BCL11A: variants seen among roughly 807,000 people sequenced by gnomAD.
BCL11A encodes BCL11 transcription factor A.
Under a neutral mutation model 55.9 loss-of-function variants are expected in BCL11A, and 2 were observed. The ratio of observed to expected loss-of-function variants is 0.04; its 90% CI spans 0.01 to 0.11. The LOEUF (loss-of-function observed/expected upper bound fraction) is 0.11, where lower values mean the gene tolerates loss of function less well. Among genes scored for constraint, BCL11A ranks in the 10% least tolerant of loss-of-function variants. The pLI is 1.00. For synonymous variants in BCL11A, 465 were observed against 473.4 expected (o/e 0.98, Z 0.23); for missense variants, 817 against 1,137.1 (o/e 0.72, Z 4.05).
chr2:60,540,992 G>GTGTGTGT (rs1371737091), intron 2 of BCL11A, among the ~76,000 whole-genome samples: 19 of 135,842 alleles, frequency 1.4e-4, no homozygotes, highest in South Asian at 2.3e-4. Flanking sequence ...GTGTGTGTGT[G>GTGTGTGT]GTTATTTTGT....
chr2:60,534,918 A>AC (rs1456660165), intron 2 of BCL11A: 21 of 152,362 alleles, frequency 1.4e-4, no homozygotes, highest in African/African-American at 4.3e-4. Flanking sequence ...AGAAGAAAAA[A>AC]CACTGCTTTA....
chr2:60,519,926 C>G (rs2104548102), intron 2 of BCL11A, among the ~76,000 whole-genome samples: 1 of 152,324 alleles, frequency 6.6e-6, no homozygotes, highest in Non-Finnish European at 1.5e-5. Flanking sequence ...TCTCTCTAGA[C>G]TTGGAGTGTT....
At chr2:60,530,169 G>A (rs1573066402) in intron 2 of BCL11A, among the ~76,000 whole-genome samples, 2 of 152,014 alleles carry the variant, frequency 1.3e-5, no homozygotes, top group African/African-American at 4.8e-5. Flanking sequence ...GTTTGCCATC[G>A]GTCCTGGGTC....
At chr2:60,515,881 G>C (rs1164813199) in intron 2 of BCL11A, among the ~76,000 whole-genome samples, 1 of 152,342 alleles carries the variant, frequency 6.6e-6, no homozygotes, top group Admixed American at 6.5e-5. Context: ...GTCACCACCA[G>C]GCTGCGCTGA....
At chr2:60,542,729 T>C (rs1039208599) in intron 2 of BCL11A, 11 of 152,150 alleles carry the variant, frequency 7.2e-5, no homozygotes, top group Admixed American at 2.0e-4. Flanking sequence ...AAGAATCCTC[T>C]AAAAAATACT....
chr2:60,459,874 C>G lies in BCL11A; in HGVS notation c.*530G>C, dbSNP rs1271334320. 9.5e-7 allele frequency: 1 copy of G among 1,048,346 alleles called. No homozygotes were observed. Among genetic ancestry groups the G allele is most frequent in the African/African-American group, 1.7e-5 (1 of 60,118 alleles). 64.9% of individuals were successfully genotyped at this position (1,048,346 alleles called of 1,614,324 possible). ...TAATCCAAAGACTGTTTTTCCTCCT[C>G]ACGTTATAAAATAAAACTGTACATG... On this transcript the variant is annotated 3_prime_UTR_variant, in exon 4 of 4. Transcript: ENST00000642384.
Position 60,500,858 on chromosome 2 carries a change from C to T in BCL11A, c.386-32025G>A, listed in dbSNP as rs149262863. On this transcript the variant is annotated intron_variant, in intron 2 of 3. Transcript: ENST00000642384. ...GCAGCTCTTTAACCTCTCCAAGCCT[C>T]AGTTTCTTCACTGGTAAAATGTGTA... is the stretch of plus-strand genomic sequence containing the variant. Among the ~76,000 whole-genome samples, 1,339 of 152,302 alleles carry T rather than the reference C, an allele frequency of 8.8e-3. 26 individuals are homozygous for T. Among genetic ancestry groups the T allele is most frequent in the African/African-American group, 0.029 (1,209 of 41,550 alleles).
chr2:60,517,764 C>A (rs1668798897), intron 2 of BCL11A, among the ~76,000 whole-genome samples: 1 of 152,232 alleles, frequency 6.6e-6, no homozygotes. Context: ...TTAGCCTCAA[C>A]CTTTCTCATC....
chr2:60,488,529 A>G lies in BCL11A; in HGVS notation c.386-19696T>C, dbSNP rs545100780. ...TTCATTTTTTGCTGACACAGAACTCAGTGCTACTTATACAATTCACTGGAA... is the reference window on the plus strand; with the variant it reads ...TTCATTTTTTGCTGACACAGAACTCGGTGCTACTTATACAATTCACTGGAA... On this transcript the variant is annotated intron_variant, in intron 2 of 3. Transcript: ENST00000642384. 3.3e-4 allele frequency among the ~76,000 whole-genome samples: 51 copies of G among 152,354 alleles called. 1 individual carries two copies. The South Asian group carries it at 8.3e-3, about 25-fold the overall frequency.
chr2:60,547,151 G>A (rs974999649), intron 1 of BCL11A, among the ~76,000 whole-genome samples: 4 of 151,874 alleles, frequency 2.6e-5, no homozygotes, highest in African/African-American at 9.7e-5. Flanking sequence ...TTCTAAACAT[G>A]TTTGCACTTG....
chr2:60,498,400 A>ACACCCAGG (rs1679077249), intron 2 of BCL11A, among the ~76,000 whole-genome samples: 1 of 152,082 alleles, frequency 6.6e-6, no homozygotes. Flanking sequence ...CACAAGATGC[A>ACACCCAGG]CACCCAGGCT....
downstream of BCL11A, chr2:60,452,712 G>A (rs772183313): frequency 4.9e-6 from 7 of 1,439,828 alleles, no homozygotes; most frequent in South Asian, 5.7e-5. Context: ...AAAAGTACAG[G>A]TGTGACTTGG....
Position 60,461,534 on chromosome 2 carries a change from T to G in BCL11A, c.1378A>C (p.Ser460Arg). Reference sequence around the variant, plus strand: ...GCCACCACGGACTTGAGCGCGCTGCTGGCGCTGCCCACCAAGTCGCTGGTG... The same window carrying G: ...GCCACCACGGACTTGAGCGCGCTGCGGGCGCTGCCCACCAAGTCGCTGGTG... ...PGTSDLVGSA[S>R]SALKSVVAKF... Residue 460 changes from serine to arginine, a missense_variant, in exon 4 of 4, where the codon AGC becomes CGC. Ser to Arg is a moderately radical substitution (Grantham distance 110, BLOSUM62 -1). This residue lies in a region of BCL11A where 379 missense variants were observed against 425.3 expected (regional missense o/e 0.89). Transcript: ENST00000642384. 6.2e-7 allele frequency: 1 copy of G among 1,609,330 alleles called. No individual in the cohort carries two copies. The highest frequency in any genetic ancestry group is 8.5e-7 in the Non-Finnish European group (1 of 1,179,998).
In BCL11A at chr2:60,553,618, G is replaced by T; in HGVS notation, c.-348C>A. Reference sequence around the variant, plus strand: ...GTTCAAGTGCGGACGTGACGTCCCTGCGAACTTGAACGTCAGGAGTCTGGA... The same window carrying T: ...GTTCAAGTGCGGACGTGACGTCCCTTCGAACTTGAACGTCAGGAGTCTGGA... On this transcript the variant is annotated 5_prime_UTR_variant, in exon 1 of 4. Transcript: ENST00000642384. The T allele has an allele frequency of 2.8e-6, 1 of 353,444 alleles. No individual in the cohort carries two copies. The highest frequency in any genetic ancestry group is 5.0e-6 in the Non-Finnish European group (1 of 200,726). The allele number at this position is 353,444 out of a possible 1,614,324, so 21.9% of individuals were successfully genotyped here. A position where few individuals can be genotyped will look rare whatever the true frequency, so the allele number is the denominator to read the frequency against.
At chr2:60,507,227 G>A (rs1389881798) in intron 2 of BCL11A, among the ~76,000 whole-genome samples, 1 of 52,476 alleles carries the variant, frequency 1.9e-5, no homozygotes, top group Non-Finnish European at 3.3e-5. Context: ...AGGAAGGAAG[G>A]AAGGAAGGGA....
chr2:60,487,272 T>A (rs1678334985), intron 2 of BCL11A, among the ~76,000 whole-genome samples: 1 of 152,202 alleles, frequency 6.6e-6, no homozygotes, highest in South Asian at 2.1e-4. Context: ...TTAGCTAAGC[T>A]CTTCATGCTA....
At chr2:60,492,615 C>CCTCT (rs3028027) in intron 2 of BCL11A, among the ~76,000 whole-genome samples, 2,097 of 144,588 alleles carry the variant, frequency 0.015, 27 homozygotes, top group African/African-American at 0.031. Context: ...AGTGGGCCTC[C>CCTCT]CTCTCTCTCT....
chr2:60,521,916 T>C lies in BCL11A; in HGVS notation c.385+24055A>G, dbSNP rs1177836655. Among the ~76,000 whole-genome samples, 13 of 152,178 alleles carry C rather than the reference T, an allele frequency of 8.5e-5. No homozygotes were observed. The East Asian group carries it at 2.5e-3, about 29-fold the overall frequency. ...AGGGATCTCTGTTCTTCCAGGAGAATGGGGGACAGTGCACAGTACAGACCC... is the reference window on the plus strand; with the variant it reads ...AGGGATCTCTGTTCTTCCAGGAGAACGGGGGACAGTGCACAGTACAGACCC... On this transcript the variant is annotated intron_variant, in intron 2 of 3. Coordinates refer to ENST00000642384, the MANE Select transcript of BCL11A (RefSeq NM_022893.4).
At chr2:60,508,544 T>C (rs1679775180) in intron 2 of BCL11A, 2 of 152,308 alleles carry the variant, frequency 1.3e-5, no homozygotes. Context: ...TTTCCTGTTC[T>C]GAAGAGGACT....
Sources: allele counts gnomAD v4.1 joint callset (sites outside exome capture counted in the v4.1 genomes callset), GRCh38; gene constraint gnomAD v4.1.1; regional missense constraint gnomAD v4.1.1; transcripts MANE v1.5; gene names NCBI Gene and HGNC (gene_info 2026-07-23, HGNC 2026-07-21).